Variants in ATP8A1 observed in about 807,000 individuals in gnomAD.
ATP8A1 encodes ATPase phospholipid transporting 8A1, also known as phospholipid-transporting ATPase IA.
A neutral mutation model predicts 177.7 loss-of-function variants in ATP8A1; 90 were observed. The observed-to-expected ratio is 0.51, with a 90% CI of 0.43 to 0.60. The LOEUF is 0.60. ATP8A1 is among the 20% of genes least tolerant of loss of function. ATP8A1 has a pLI of 0.00. For missense variants in ATP8A1, 1,072 were observed against 1,392.8 expected (o/e 0.77, Z 3.67); for synonymous variants, 493 against 485.9 (o/e 1.01, Z -0.19).
chr4:42,609,220 C>T (rs10017071), intron 5 of ATP8A1, among the ~76,000 whole-genome samples: 34,117 of 152,022 alleles, frequency 0.22, 4,287 homozygotes, highest in Non-Finnish European at 0.29. Context: ...GAGGTTAAAA[C>T]TGAAACTCTG....
In ATP8A1 at chr4:42,590,847, T is replaced by G; in HGVS notation, c.488A>C (p.Glu163Ala). 6.2e-7 allele frequency: 1 copy of G among 1,612,758 alleles called. No individual in the cohort carries two copies. ...VGEIVKVTNGEHLPADLISLS... is the reference protein window; with the variant it reads ...VGEIVKVTNGAHLPADLISLS... ...ACTGATGAGATCTGCTGGGAGATGTTCCCCATTGGTCACTTTCACTATCTC... is the reference window on the plus strand; with the variant it reads ...ACTGATGAGATCTGCTGGGAGATGTGCCCCATTGGTCACTTTCACTATCTC... Residue 163 changes from glutamate to alanine, a missense_variant, in exon 7 of 37, where the codon GAA (glutamate) becomes GCA (alanine). Physicochemically the swap from Glu to Ala is moderately radical, Grantham distance 107 (BLOSUM62 -1). Around this residue, in one of 5 missense-constraint regions of ATP8A1, gnomAD observed 344 missense variants for 393.5 expected, o/e 0.87. Coordinates refer to ENST00000381668, the MANE Select transcript of ATP8A1 (RefSeq NM_006095.2).
chr4:42,433,962 A>G (rs1048007082), intron 33 of ATP8A1, among the ~76,000 whole-genome samples: 5 of 152,130 alleles, frequency 3.3e-5, no homozygotes, highest in Admixed American at 6.5e-5. Flanking sequence ...TTTTGACTAT[A>G]TATCAATGCA....
chr4:42,441,619 T>C (rs1716654167), intron 33 of ATP8A1, among the ~76,000 whole-genome samples: 1 of 152,158 alleles, frequency 6.6e-6, no homozygotes, highest in Non-Finnish European at 1.5e-5. Context: ...TATCCTTATA[T>C]TGGCATTATT....
In ATP8A1 at chr4:42,580,669, C is replaced by T. The variant is rs2125942; in HGVS notation, c.835-691G>A. On this transcript the variant is annotated intron_variant, in intron 10 of 36. Transcript: ENST00000381668. ...GTGGTGGAATCACTAACAGCAATCT[C>T]GCTTGCCTATTGATAATACCTTCAT... 7.9e-5 allele frequency among the ~76,000 whole-genome samples: 12 copies of T among 152,232 alleles called. No homozygotes were observed. In the South Asian group the frequency reaches 1.7e-3, roughly 21 times the overall value.
At chr4:42,547,304 C>G (rs1337522170) in intron 19 of ATP8A1, among the ~76,000 whole-genome samples, 1 of 152,200 alleles carries the variant, frequency 6.6e-6, no homozygotes, top group African/African-American at 2.4e-5. Context: ...TCAGATATTC[C>G]TCTACAAGGT....
In ATP8A1 at chr4:42,464,786, C is replaced by T; in HGVS notation, c.2523G>A (p.Lys841=). 1 of 1,613,518 alleles carries T rather than the reference C, an allele frequency of 6.2e-7. No individual in the cohort carries two copies. ...AGGCACCATGAATCATCAGTAAATT[C>T]TTCAAATATTTGAACTAAAACAAGA... ...DYSIAQFKYL[K]NLLMIHGAWN... The change falls in exon 27 of 37, where the codon AAG becomes AAA. Residue 841 remains lysine (K), a synonymous_variant. Transcript: ENST00000381668.
Position 42,444,643 on chromosome 4 carries a change from G to T in ATP8A1, c.2959-9C>A, listed in dbSNP as rs371792292. ...ACAGTTATCACCACAAACTAAAACAGAAGGGGAAAATGTTATTTTACCTCA... is the reference window on the plus strand; with the variant it reads ...ACAGTTATCACCACAAACTAAAACATAAGGGGAAAATGTTATTTTACCTCA... On this transcript the variant is annotated splice_polypyrimidine_tract_variant and intron_variant, in intron 31 of 36. Transcript: ENST00000381668. The T allele has an allele frequency of 8.5e-5, 137 of 1,613,088 alleles. No homozygotes were observed. In the African/African-American group the frequency reaches 1.7e-3, roughly 20 times the overall value.
intron 30 of ATP8A1, among the ~76,000 whole-genome samples, chr4:42,447,853 G>C (rs1275190317): frequency 6.6e-6 from 1 of 152,106 alleles, no homozygotes; most frequent in African/African-American, 2.4e-5. Context: ...TTTAACCTGA[G>C]GGGGTTTTGA....
chr4:42,622,721 G>C (rs1453561202), intron 4 of ATP8A1, among the ~76,000 whole-genome samples: 1 of 151,840 alleles, frequency 6.6e-6, no homozygotes, highest in Non-Finnish European at 1.5e-5. Flanking sequence ...TTAAAAAGTG[G>C]GAAAAGGGCT....
intron 13 of ATP8A1, among the ~76,000 whole-genome samples, chr4:42,575,291 C>T (rs1037386627): frequency 6.6e-6 from 1 of 152,152 alleles, no homozygotes; most frequent in African/African-American, 2.4e-5. Flanking sequence ...TGAACTTTTC[C>T]TCCCTTCCTG....
At chr4:42,575,257 A>C (rs985811900) in intron 13 of ATP8A1, among the ~76,000 whole-genome samples, 1 of 152,228 alleles carries the variant, frequency 6.6e-6, no homozygotes, top group African/African-American at 2.4e-5. Context: ...ATTCCTATTG[A>C]CTAGACTCAC....
At chr4:42,569,256 A>G in intron 14 of ATP8A1, 51 bp from the exon 15 acceptor site, 2 of 1,484,396 alleles carry the variant, frequency 1.3e-6, no homozygotes, top group Non-Finnish European at 1.9e-6. Flanking sequence ...AATCACAGAA[A>G]GGCTGGAAAC....
intron 1 of ATP8A1, among the ~76,000 whole-genome samples, chr4:42,638,489 G>A (rs1739612761): frequency 6.6e-6 from 1 of 152,158 alleles, no homozygotes; most frequent in East Asian, 1.9e-4. Flanking sequence ...AGAGTTGGGC[G>A]TCACACATAG....
intron 15 of ATP8A1, among the ~76,000 whole-genome samples, chr4:42,564,089 T>C (rs1229739275): frequency 6.6e-6 from 1 of 152,154 alleles, no homozygotes; most frequent in Non-Finnish European, 1.5e-5. Context: ...AGCAGAATTC[T>C]GTCTGGGGTT....
intron 1 of ATP8A1, among the ~76,000 whole-genome samples, chr4:42,632,305 A>G (rs1190599198): frequency 6.6e-6 from 1 of 152,158 alleles, no homozygotes; most frequent in Admixed American, 6.5e-5. Context: ...CAAGGAAAAG[A>G]CTTTTCCTTA....
At chr4:42,648,999 G>C (rs1010523676) in intron 1 of ATP8A1, among the ~76,000 whole-genome samples, 2 of 152,070 alleles carry the variant, frequency 1.3e-5, no homozygotes, top group African/African-American at 4.8e-5. Flanking sequence ...TTTCAAATAT[G>C]TATCAAAAGT....
In ATP8A1 at chr4:42,645,933, GA is replaced by G. The variant is rs112999367; in HGVS notation, c.49+10891del. Among the ~76,000 whole-genome samples the G allele has an allele frequency of 2.4e-3, 343 of 142,092 alleles. 2 individuals are homozygous for G. The highest frequency in any genetic ancestry group is 0.018 in the Middle Eastern group (5 of 274). 93.2% of individuals were successfully genotyped at this position (142,092 alleles called of 152,430 possible). A position where few individuals can be genotyped will look rare whatever the true frequency, so the allele number is the denominator to read the frequency against. On this transcript the variant is annotated intron_variant, in intron 1 of 36. Transcript: ENST00000381668. ...GAGACAGAACATGGCCTAGGTTAGA[GA>G]AAAAAAAAAAAGTAGAGTGAGACAG...
chr4:42,500,852 AAG>A (rs1487741067), intron 24 of ATP8A1, among the ~76,000 whole-genome samples: 3 of 152,154 alleles, frequency 2.0e-5, no homozygotes, highest in Admixed American at 1.3e-4. Context: ...AAAAATGCTG[AAG>A]AGTTATTTTT....
At chr4:42,648,015 A>G (rs1466660680) in intron 1 of ATP8A1, among the ~76,000 whole-genome samples, 1 of 152,250 alleles carries the variant, frequency 6.6e-6, no homozygotes, top group Non-Finnish European at 1.5e-5. Context: ...ACAAAAATTA[A>G]CTGAAAAACT....
Sources: allele counts gnomAD v4.1 joint callset (sites outside exome capture counted in the v4.1 genomes callset), GRCh38; gene constraint gnomAD v4.1.1; regional missense constraint gnomAD v4.1.1; transcripts MANE v1.5; gene names NCBI Gene and HGNC (gene_info 2026-07-23, HGNC 2026-07-21).